Variants in ARMH4 observed in about 807,000 individuals in gnomAD.
ARMH4 encodes armadillo like helical domain containing 4.
In ARMH4, 49 loss-of-function variants were observed where a neutral mutation model predicts 61.9. That is an observed-to-expected ratio of 0.79 (90% confidence interval 0.63 to 1.00). The LOEUF is 1.00. Among genes scored for constraint, ARMH4 ranks in the 50% least tolerant of loss-of-function variants. The probability of loss-of-function intolerance (pLI) is 0.00; values close to 1 mark genes in which losing one functional copy is unlikely to be tolerated. For missense variants in ARMH4, 934 were observed against 930.0 expected (o/e 1.00, Z -0.06); for synonymous variants, 368 against 341.5 (o/e 1.08, Z -0.85).
chr14:58,074,939 G>C (rs779719845), intron 5 of ARMH4, among the ~76,000 whole-genome samples: 2 of 152,158 alleles, frequency 1.3e-5, no homozygotes, highest in Non-Finnish European at 2.9e-5. Flanking sequence ...AAAATTATGA[G>C]AGGGATGTGG....
intron 5 of ARMH4, among the ~76,000 whole-genome samples, chr14:58,084,423 C>T (rs939013263): frequency 2.0e-5 from 3 of 152,182 alleles, no homozygotes; most frequent in African/African-American, 7.2e-5. Flanking sequence ...AAGCCCAAGG[C>T]TCTGGTCCTG....
intron 4 of ARMH4, among the ~76,000 whole-genome samples, chr14:58,129,098 A>C (rs1886998035): frequency 6.6e-6 from 1 of 152,146 alleles, no homozygotes; most frequent in African/African-American, 2.4e-5. Flanking sequence ...CGTAAGAATA[A>C]ATTTCTGTTG....
chr14:58,017,407 A>T (rs1199235175), intron 5 of ARMH4, among the ~76,000 whole-genome samples: 1 of 152,218 alleles, frequency 6.6e-6, no homozygotes, highest in Non-Finnish European at 1.5e-5. Context: ...CCACCAAAAA[A>T]ATGGTTAGAA....
chr14:58,012,367 G>C (rs1040565102), intron 5 of ARMH4, among the ~76,000 whole-genome samples: 9 of 152,174 alleles, frequency 5.9e-5, no homozygotes, highest in African/African-American at 1.7e-4. Flanking sequence ...TACATAAATG[G>C]AGAATATTTT....
At chr14:58,111,685 CTT>C (rs542731594) in intron 4 of ARMH4, among the ~76,000 whole-genome samples, 1 of 145,638 alleles carries the variant, frequency 6.9e-6, no homozygotes, top group East Asian at 2.0e-4. Flanking sequence ...CTTCCTTCTT[CTT>C]TTTTTTTTTT....
At chr14:58,013,743 G>A (rs1882498134) in intron 5 of ARMH4, among the ~76,000 whole-genome samples, 1 of 152,112 alleles carries the variant, frequency 6.6e-6, no homozygotes, top group East Asian at 1.9e-4. Context: ...TAACCAGAGA[G>A]TAAGGTGTCA....
chr14:58,112,992 T>C (rs186845964), intron 4 of ARMH4, among the ~76,000 whole-genome samples: 93 of 152,316 alleles, frequency 6.1e-4, no homozygotes, highest in South Asian at 8.3e-4. Context: ...CTTTTTTTAT[T>C]GATGTAGAAC....
chr14:58,068,943 G>A (rs1264851321), intron 5 of ARMH4, among the ~76,000 whole-genome samples: 1 of 151,130 alleles, frequency 6.6e-6, no homozygotes, highest in Non-Finnish European at 1.5e-5. Flanking sequence ...GGAGACGGAG[G>A]TTGCAGTGAG....
chr14:58,129,062 A>G (rs1886996663), intron 4 of ARMH4, among the ~76,000 whole-genome samples: 1 of 152,116 alleles, frequency 6.6e-6, no homozygotes, highest in Non-Finnish European at 1.5e-5. Context: ...CTATACCTTG[A>G]CTTCCAACTT....
chr14:58,032,527 A>C (rs1261607592), intron 5 of ARMH4, among the ~76,000 whole-genome samples: 1 of 152,238 alleles, frequency 6.6e-6, no homozygotes, highest in Non-Finnish European at 1.5e-5. Context: ...AGAAACATTT[A>C]AAGAAATACT....
Position 58,139,246 on chromosome 14 carries a change from GCTATCT to G in ARMH4, c.107_112del (p.Glu36_Ile37del). 1.2e-6 allele frequency: 2 copies of G among 1,614,144 alleles called. No individual in the cohort carries two copies. Among genetic ancestry groups the G allele is most frequent in the Non-Finnish European group, 1.7e-6 (2 of 1,180,026 alleles). On this transcript the variant is annotated inframe_deletion, in exon 2 of 8. Transcript: ENST00000267485. ...CTGCCCTTTTTCCGCATGAACATGT[GCTATCT>G]CCCTCCTCCTTTCTATTTTGGGGAA... is the stretch of plus-strand genomic sequence containing the variant.
chr14:58,078,249 A>T (rs1885109468), intron 5 of ARMH4, among the ~76,000 whole-genome samples: 1 of 152,218 alleles, frequency 6.6e-6, no homozygotes, highest in Admixed American at 6.5e-5. Flanking sequence ...TGGGAACTGC[A>T]TGGGCCCTGC....
rs942417730 is a variant in ARMH4 at position 58,138,339 on chromosome 14, C to T, written c.1020G>A (p.Thr340=). 1 of 1,614,198 alleles carries T rather than the reference C, an allele frequency of 6.2e-7. No homozygotes were observed. The highest frequency in any genetic ancestry group is 1.3e-5 in the African/African-American group (1 of 75,054). ...LGDNEETQVR[T]EMSQTAQVSH... Reference sequence around the variant, plus strand: ...TTACTTGTGCTGTCTGAGACATCTCCGTTCTCACCTGAGTCTCTTCATTGT... The same window carrying T: ...TTACTTGTGCTGTCTGAGACATCTCTGTTCTCACCTGAGTCTCTTCATTGT... The change falls in exon 2 of 8, where the codon ACG becomes ACA. Residue 340 remains threonine (T), a synonymous_variant. Coordinates refer to ENST00000267485, the MANE Select transcript of ARMH4 (RefSeq NM_001001872.4).
chr14:58,098,755 T>C (rs753781610), intron 4 of ARMH4, among the ~76,000 whole-genome samples: 11 of 149,892 alleles, frequency 7.3e-5, no homozygotes, highest in African/African-American at 2.7e-4. Flanking sequence ...TAGGAAGAAG[T>C]AGGCAGGGGC....
chr14:58,074,817 T>A (rs1411243666), intron 5 of ARMH4, among the ~76,000 whole-genome samples: 1 of 152,228 alleles, frequency 6.6e-6, no homozygotes, highest in Admixed American at 6.5e-5. Context: ...TAATTTGATT[T>A]CTATTAATGG....
chr14:58,036,687 A>G (rs1395904581), intron 5 of ARMH4, among the ~76,000 whole-genome samples: 3 of 125,702 alleles, frequency 2.4e-5, no homozygotes, highest in African/African-American at 8.7e-5. Flanking sequence ...TAAGCTGATA[A>G]GCAACTTCAG....
At chr14:58,127,613 G>A (rs989964155) in intron 4 of ARMH4, among the ~76,000 whole-genome samples, 1 of 152,142 alleles carries the variant, frequency 6.6e-6, no homozygotes, top group African/African-American at 2.4e-5. Flanking sequence ...CAACATGCAT[G>A]CCCACAGAAA....
intron 4 of ARMH4, among the ~76,000 whole-genome samples, chr14:58,103,845 A>G (rs1360384942): frequency 6.6e-6 from 1 of 152,172 alleles, no homozygotes; most frequent in African/African-American, 2.4e-5. Flanking sequence ...AACAATTGTG[A>G]CTATATAATC....
chr14:58,033,188 C>A (rs898683433), intron 5 of ARMH4, among the ~76,000 whole-genome samples: 8 of 111,192 alleles, frequency 7.2e-5, no homozygotes, highest in South Asian at 3.6e-4. Flanking sequence ...GTTCTCCCAG[C>A]ACGCAGCTGG....
Sources: allele counts gnomAD v4.1 joint callset (sites outside exome capture counted in the v4.1 genomes callset), GRCh38; gene constraint gnomAD v4.1.1; transcripts MANE v1.5; gene names NCBI Gene and HGNC (gene_info 2026-07-23, HGNC 2026-07-21).